The following CACNA2D1 variants were observed in gnomAD, a reference collection of about 807,000 sequenced individuals.
The protein encoded by CACNA2D1 is voltage-dependent calcium channel subunit alpha-2/delta-1.
A neutral mutation model predicts 171.5 loss-of-function variants in CACNA2D1; 53 were observed. The observed-to-expected ratio is 0.31, with a 90% CI of 0.25 to 0.39. CACNA2D1 has a LOEUF of 0.39. CACNA2D1 is among the 10% of genes least tolerant of loss of function. The probability of loss-of-function intolerance (pLI) is 1.00; values close to 1 mark genes in which losing one functional copy is unlikely to be tolerated. For synonymous variants in CACNA2D1, 442 were observed against 443.1 expected (o/e 1.00, Z 0.03); for missense variants, 903 against 1,299.8 (o/e 0.69, Z 4.69).
chr7:82,334,734 G>T, intron 3 of CACNA2D1, among the ~76,000 whole-genome samples: 1 of 152,078 alleles, frequency 6.6e-6, no homozygotes, highest in East Asian at 1.9e-4. Flanking sequence ...CTAGCAGAGA[G>T]GAAGGGTGAT....
chr7:82,146,317 TGTGTGTGTGC>T (rs923746564), intron 4 of CACNA2D1, among the ~76,000 whole-genome samples: 22 of 147,700 alleles, frequency 1.5e-4, no homozygotes, highest in Non-Finnish European at 2.8e-4. Context: ...TATACGTGTG[TGTGTGTGTGC>T]GTGTGTGTGT....
intron 12 of CACNA2D1, 46 bp downstream of exon 12, chr7:82,032,751 C>T: frequency 2.7e-6 from 3 of 1,098,782 alleles, no homozygotes; most frequent in South Asian, 1.4e-5. Flanking sequence ...CTTTAAAAAC[C>T]ACCTAGATCA....
At chr7:82,269,102 A>G (rs1352615040) in intron 3 of CACNA2D1, among the ~76,000 whole-genome samples, 2 of 152,138 alleles carry the variant, frequency 1.3e-5, no homozygotes, top group Non-Finnish European at 2.9e-5. Flanking sequence ...AACAAGACCT[A>G]CACATAGTCC....
intron 3 of CACNA2D1, among the ~76,000 whole-genome samples, chr7:82,198,422 G>C (rs192578598): frequency 1.3e-5 from 2 of 152,182 alleles, no homozygotes; most frequent in East Asian, 3.9e-4. Context: ...GTGAGCTACA[G>C]GGCTCGAAGG....
rs1164471636 is a variant in CACNA2D1, at chr7:82,088,717, T to C, written c.527-3817A>G. On this transcript the variant is annotated intron_variant, in intron 6 of 38. Transcript: ENST00000356860. ...GGCAAGATATATTTAATAATATGTATAACAGGTGAATGGTATTCTATAAAT... is the reference window on the plus strand; with the variant it reads ...GGCAAGATATATTTAATAATATGTACAACAGGTGAATGGTATTCTATAAAT... Among the ~76,000 whole-genome samples, 3 of 152,158 alleles carry C rather than the reference T, an allele frequency of 2.0e-5. No homozygotes were observed. In the East Asian group the frequency reaches 5.8e-4, roughly 29 times the overall value.
rs1232020621 is a variant in CACNA2D1 at position 81,953,464 on chromosome 7, C to T, written c.3160-2956G>A. Among the ~76,000 whole-genome samples, 4 of 152,108 alleles carry T rather than the reference C, an allele frequency of 2.6e-5. No homozygotes were observed. The South Asian group carries it at 6.2e-4, about 24-fold the overall frequency. ...CTGCAACAGGCCAAGCTGTTTACTG[C>T]CTTTGCATTTGTTCTTTTTGTTCAG... On this transcript the variant is annotated intron_variant, in intron 38 of 38. Coordinates refer to ENST00000356860, the MANE Select transcript of CACNA2D1 (RefSeq NM_000722.4).
At chr7:82,432,700 C>A (rs1829794779) in intron 1 of CACNA2D1, among the ~76,000 whole-genome samples, 1 of 152,152 alleles carries the variant, frequency 6.6e-6, no homozygotes, top group East Asian at 1.9e-4. Context: ...TCTGTTTCGA[C>A]CAAAACTTCT....
chr7:82,128,531 C>A (rs2129066246), intron 5 of CACNA2D1, among the ~76,000 whole-genome samples: 1 of 152,250 alleles, frequency 6.6e-6, no homozygotes. Flanking sequence ...AGCTTTCACT[C>A]TAAAGGAAGC....
chr7:81,948,085 T>TTTTGAACATAATTTTAAGGTAGTTTG lies in CACNA2D1; in HGVS notation c.*2281_*2306dup, dbSNP rs908791354. Reference sequence around the variant, plus strand: ...TAGCCATGAAAATATATTTAATAGATTTTGAACATAATTTTAAGGTAGTTT... The same window carrying TTTTGAACATAATTTTAAGGTAGTTTG: ...TAGCCATGAAAATATATTTAATAGATTTTGAACATAATTTTAAGGTAGTTTGTTTGAACATAATTTTAAGGTAGTTT... On this transcript the variant is annotated 3_prime_UTR_variant, in exon 39 of 39. Transcript: ENST00000356860. The TTTTGAACATAATTTTAAGGTAGTTTG allele has an allele frequency of 7.9e-5, 12 of 151,842 alleles. No individual in the cohort carries two copies. Among genetic ancestry groups the TTTTGAACATAATTTTAAGGTAGTTTG allele is most frequent in the Non-Finnish European group, 1.5e-4 (10 of 67,822 alleles). The allele number at this position is 151,842 out of a possible 1,614,324, so 9.4% of individuals were successfully genotyped here.
intron 3 of CACNA2D1, among the ~76,000 whole-genome samples, chr7:82,319,269 C>G (rs746754355): frequency 3.3e-5 from 5 of 152,102 alleles, no homozygotes; most frequent in Non-Finnish European, 7.4e-5. Context: ...TAATTACTCT[C>G]TACTGAGAAA....
At chr7:82,013,038 T>G (rs189180759) in intron 14 of CACNA2D1, among the ~76,000 whole-genome samples, 2 of 152,150 alleles carry the variant, frequency 1.3e-5, no homozygotes, top group Admixed American at 1.3e-4. Flanking sequence ...CAGGGGTTAT[T>G]TGGGAGGTAT....
intron 7 of CACNA2D1, among the ~76,000 whole-genome samples, chr7:82,069,707 G>T (rs942105608): frequency 3.2e-5 from 1 of 30,964 alleles, no homozygotes; most frequent in Admixed American, 5.6e-4. Context: ...TAATAGCGAA[G>T]TACCCCTTTT....
At chr7:82,380,566 T>C (rs2129449270) in intron 1 of CACNA2D1, among the ~76,000 whole-genome samples, 1 of 152,198 alleles carries the variant, frequency 6.6e-6, no homozygotes, top group Admixed American at 6.5e-5. Flanking sequence ...AATAAGCATT[T>C]TGACTAATTT....
chr7:82,189,979 A>G (rs947101026), intron 3 of CACNA2D1, among the ~76,000 whole-genome samples: 1 of 151,974 alleles, frequency 6.6e-6, no homozygotes, highest in Non-Finnish European at 1.5e-5. Context: ...TATTTCAAAG[A>G]TAAGTGATTT....
At chr7:82,098,680 T>C (rs1812231744) in intron 6 of CACNA2D1, among the ~76,000 whole-genome samples, 1 of 152,154 alleles carries the variant, frequency 6.6e-6, no homozygotes, top group Non-Finnish European at 1.5e-5. Context: ...ACAGGAGTCA[T>C]ATATGTATTA....
intron 5 of CACNA2D1, among the ~76,000 whole-genome samples, chr7:82,130,796 T>A (rs1330999351): frequency 1.1e-5 from 1 of 94,568 alleles, no homozygotes; most frequent in Admixed American, 1.1e-4. Context: ...TTTGTCTTTT[T>A]TTTTTTTTTT....
At chr7:82,209,041 AT>A (rs1800295540) in intron 3 of CACNA2D1, among the ~76,000 whole-genome samples, 1 of 152,166 alleles carries the variant, frequency 6.6e-6, no homozygotes, top group African/African-American at 2.4e-5. Context: ...TACAAATATA[AT>A]TTCCCATATT....
At chr7:82,085,555 T>C (rs945664397) in intron 6 of CACNA2D1, among the ~76,000 whole-genome samples, 11 of 150,592 alleles carry the variant, frequency 7.3e-5, no homozygotes, top group South Asian at 2.1e-4. Context: ...TCATTGGGCA[T>C]AGCTAATTAA....
At chr7:82,185,888 G>A (rs1361883764) in intron 3 of CACNA2D1, among the ~76,000 whole-genome samples, 1 of 152,024 alleles carries the variant, frequency 6.6e-6, no homozygotes, top group Non-Finnish European at 1.5e-5. Flanking sequence ...CAGGCATGGT[G>A]GCTCACACCT....
Sources: gnomAD v4.1 joint callset for allele counts (sites outside exome capture counted in the v4.1 genomes callset) on GRCh38, gnomAD v4.1.1 for gene constraint, MANE v1.5 for transcripts, NCBI Gene and HGNC (gene_info 2026-07-23, HGNC 2026-07-21) for gene names.